NBAS: variants seen among roughly 807,000 people sequenced by gnomAD.
NBAS encodes NBAS subunit of NRZ tethering complex.
A neutral mutation model predicts 302.5 loss-of-function variants in NBAS; 219 were observed. That is an observed-to-expected ratio of 0.72 (90% CI 0.65 to 0.81). The LOEUF (loss-of-function observed/expected upper bound fraction) is 0.81. Ranked by LOEUF, NBAS falls within the 30% of genes least tolerant of loss-of-function variation. NBAS has a pLI of 0.00. For synonymous variants in NBAS, 1,118 were observed against 1,021.6 expected (o/e 1.09, Z -1.80); for missense variants, 2,932 against 2,841.6 (o/e 1.03, Z -0.72).
Position 15,356,393 on chromosome 2 carries a change from C to G in NBAS, c.3841G>C (p.Gly1281Arg), listed in dbSNP as rs767738194. The G allele has an allele frequency of 4.3e-6, 7 of 1,613,676 alleles. No individual in the cohort carries two copies. The Admixed American group carries it at 1.2e-4, about 27-fold the overall frequency. The change falls in exon 33 of 52, where the codon GGA becomes CGA. Residue 1281 changes from glycine to arginine, a missense_variant. Coordinates refer to ENST00000281513, the MANE Select transcript of NBAS (RefSeq NM_015909.4). ...TCCACTAAAAGGATTAGAACCTGTCCCCGCCTTTCTTCTGGGTTCTCACCT... is the reference window on the plus strand; with the variant it reads ...TCCACTAAAAGGATTAGAACCTGTCGCCGCCTTTCTTCTGGGTTCTCACCT... ...VAGENPEERRGQVLILLVEQA... is the reference protein window; with the variant it reads ...VAGENPEERRRQVLILLVEQA...
chr2:15,186,540 G>A (rs1428827785), intron 50 of NBAS, among the ~76,000 whole-genome samples: 1 of 152,076 alleles, frequency 6.6e-6, no homozygotes, highest in African/African-American at 2.4e-5. Context: ...TACAGGAAAC[G>A]CTGGCCCCCA....
chr2:14,849,753 A>C, the NBAS span, among the ~76,000 whole-genome samples: 1 of 143,528 alleles, frequency 7.0e-6, no homozygotes, highest in African/African-American at 2.9e-5. Context: ...CCTACAAGCC[A>C]GAAGAGAGTG....
chr2:15,135,677 C>T, the NBAS span, among the ~76,000 whole-genome samples: 2 of 152,004 alleles, frequency 1.3e-5, no homozygotes, highest in African/African-American at 4.8e-5. Flanking sequence ...GCTTTCTGTT[C>T]TCACTCTAAG....
the NBAS span, among the ~76,000 whole-genome samples, chr2:15,134,215 G>C: frequency 6.6e-6 from 1 of 152,036 alleles, no homozygotes; most frequent in Non-Finnish European, 1.5e-5. Flanking sequence ...CTCACTATGG[G>C]ATTAAGCTCT....
intron 11 of NBAS, 38 bp downstream of exon 11, chr2:15,504,107 T>C (rs763302657): frequency 1.8e-5 from 28 of 1,553,930 alleles, no homozygotes; most frequent in Non-Finnish European, 2.5e-5. Flanking sequence ...GGTAAAAATG[T>C]TTGAGAAGCC....
At chr2:15,423,686 T>C (rs1677317089) in intron 23 of NBAS, among the ~76,000 whole-genome samples, 1 of 152,136 alleles carries the variant, frequency 6.6e-6, no homozygotes, top group African/African-American at 2.4e-5. Context: ...CATCATCTGC[T>C]AGCTAGAACC....
At chr2:15,361,885 C>A (rs1673945829) in intron 32 of NBAS, among the ~76,000 whole-genome samples, 1 of 151,434 alleles carries the variant, frequency 6.6e-6, no homozygotes, top group African/African-American at 2.4e-5. Flanking sequence ...GAAGCTGAGG[C>A]AGGAGAATCA....
At chr2:15,303,182 C>T (rs554821537) in intron 40 of NBAS, among the ~76,000 whole-genome samples, 12 of 152,174 alleles carry the variant, frequency 7.9e-5, no homozygotes, top group Non-Finnish European at 1.3e-4. Flanking sequence ...TTCCTTCTGC[C>T]GCTCTAGAAA....
chr2:15,031,029 G>A, the NBAS span, among the ~76,000 whole-genome samples: 1 of 152,178 alleles, frequency 6.6e-6, no homozygotes. Context: ...ATCACAGATT[G>A]GCTGCTATGC....
At chr2:15,538,210 T>C (rs1663615148) in intron 7 of NBAS, 1 of 230,462 alleles carries the variant, frequency 4.3e-6, no homozygotes, top group South Asian at 5.6e-5. Context: ...GTAGTTATTG[T>C]ATATGTGACC....
the NBAS span, among the ~76,000 whole-genome samples, chr2:14,874,143 G>A: frequency 6.6e-6 from 1 of 152,066 alleles, no homozygotes; most frequent in African/African-American, 2.4e-5. Flanking sequence ...ACAATAAAGG[G>A]ATAAAAAGGG....
At chr2:14,825,370 A>G in the NBAS span, among the ~76,000 whole-genome samples, 1 of 152,138 alleles carries the variant, frequency 6.6e-6, no homozygotes, top group African/African-American at 2.4e-5. Context: ...TATCTATATA[A>G]AGTAGGTAGC....
intron 34 of NBAS, among the ~76,000 whole-genome samples, chr2:15,352,523 G>A (rs936379033): frequency 3.9e-5 from 6 of 152,134 alleles, no homozygotes; most frequent in Non-Finnish European, 5.9e-5. Context: ...GGACAAGTGC[G>A]GGTTTTGACC....
chr2:15,406,275 T>C (rs1478240043), intron 25 of NBAS, among the ~76,000 whole-genome samples: 3 of 152,094 alleles, frequency 2.0e-5, no homozygotes, highest in African/African-American at 7.2e-5. Context: ...CATGTACAGA[T>C]GGAAATTTAG....
the NBAS span, among the ~76,000 whole-genome samples, chr2:15,142,868 G>A: frequency 6.6e-6 from 1 of 152,212 alleles, no homozygotes; most frequent in Non-Finnish European, 1.5e-5. Context: ...CAAGGAAGAT[G>A]TTGAAACGTT....
intron 30 of NBAS, among the ~76,000 whole-genome samples, chr2:15,378,939 T>G (rs1483865037): frequency 6.6e-6 from 1 of 152,218 alleles, no homozygotes; most frequent in African/African-American, 2.4e-5. Context: ...TTATGCTCTT[T>G]TAATTTTATA....
intron 11 of NBAS, among the ~76,000 whole-genome samples, chr2:15,496,558 T>C (rs565202139): frequency 2.4e-4 from 36 of 151,990 alleles, no homozygotes; most frequent in African/African-American, 8.5e-4. Flanking sequence ...ATCTGTATTA[T>C]ATTTCACAAT....
At chr2:15,443,347 T>C (rs1678542892) in intron 21 of NBAS, among the ~76,000 whole-genome samples, 1 of 151,566 alleles carries the variant, frequency 6.6e-6, no homozygotes, top group African/African-American at 2.4e-5. Flanking sequence ...GCTGGTTCAA[T>C]ATACGCAAAT....
the NBAS span, among the ~76,000 whole-genome samples, chr2:14,922,670 C>A: frequency 6.6e-6 from 1 of 152,322 alleles, no homozygotes; most frequent in Non-Finnish European, 1.5e-5. Context: ...TCACCAAATA[C>A]AGTTACATTG....
Sources: allele counts gnomAD v4.1 joint callset (sites outside exome capture counted in the v4.1 genomes callset), GRCh38; gene constraint gnomAD v4.1.1; transcripts MANE v1.5; gene names NCBI Gene and HGNC (gene_info 2026-07-23, HGNC 2026-07-21).